Variants in HIPK2 observed in about 807,000 individuals in gnomAD.
HIPK2 encodes the protein homeodomain-interacting protein kinase 2.
HIPK2 carries 27 observed loss-of-function variants against 113.7 expected under a neutral mutation model. The observed-to-expected ratio is 0.24, with a 90% CI of 0.17 to 0.33. HIPK2 has a LOEUF of 0.33. Among genes scored for constraint, HIPK2 ranks in the 10% least tolerant of loss-of-function variants. The probability of loss-of-function intolerance (pLI) is 1.00; values close to 1 mark genes in which losing one functional copy is unlikely to be tolerated. For synonymous variants in HIPK2, 631 were observed against 642.2 expected (o/e 0.98, Z 0.26); for missense variants, 1,257 against 1,588.0 (o/e 0.79, Z 3.54).
At chr7:139,609,986 C>G (rs1324850085) in intron 9 of HIPK2, among the ~76,000 whole-genome samples, 2 of 152,206 alleles carry the variant, frequency 1.3e-5, no homozygotes, top group Admixed American at 1.3e-4. Context: ...GTTATAAACA[C>G]AGTAGCAATT....
Position 139,626,697 on chromosome 7 carries a change from A to T in HIPK2, c.1523T>A (p.Leu508Gln). 1 of 1,613,974 alleles carries T rather than the reference A, an allele frequency of 6.2e-7. No homozygotes were observed. The highest frequency in any genetic ancestry group is 8.5e-7 in the Non-Finnish European group (1 of 1,179,904). ...GATTCTCTTGTCAGCATCAATGGTC[A>T]GCATCTTCTTCAACAGGTCAATGAA... is the stretch of plus-strand genomic sequence containing the variant. ...REFIDLLKKMLTIDADKRITP... is the reference protein window; with the variant it reads ...REFIDLLKKMQTIDADKRITP... Residue 508 changes from leucine (L) to glutamine (Q), a missense_variant, in exon 6 of 15, where the codon CTG becomes CAG. Leu to Gln is a moderately radical substitution (Grantham distance 113, BLOSUM62 -2). This residue lies in a region of HIPK2 where 862 missense variants were observed against 1,004.3 expected (regional missense o/e 0.86). Transcript: ENST00000406875.
intron 1 of HIPK2, among the ~76,000 whole-genome samples, chr7:139,723,584 A>G (rs1214788062): frequency 6.6e-6 from 1 of 152,112 alleles, no homozygotes; most frequent in African/African-American, 2.4e-5. Context: ...TTTCTTCATA[A>G]CTTTATATTT....
At chr7:139,620,733 C>A in intron 6 of HIPK2, 170 bp from the exon 7 acceptor site, 3 of 371,192 alleles carry the variant, frequency 8.1e-6, no homozygotes, top group Non-Finnish European at 1.1e-5. Context: ...TGTGCAAAGC[C>A]TGTGCATTTG....
At chr7:139,776,019 G>A (rs948229003) in intron 1 of HIPK2, among the ~76,000 whole-genome samples, 1 of 152,142 alleles carries the variant, frequency 6.6e-6, no homozygotes, top group Non-Finnish European at 1.5e-5. Flanking sequence ...AGAGAAAATT[G>A]TTTCATTTTA....
At chr7:139,688,690 AT>A (rs1320330294) in intron 2 of HIPK2, among the ~76,000 whole-genome samples, 1 of 152,232 alleles carries the variant, frequency 6.6e-6, no homozygotes, top group Non-Finnish European at 1.5e-5. Flanking sequence ...TATCAATCAT[AT>A]GCCTCAATTG....
chr7:139,572,854 CG>C lies in HIPK2; in HGVS notation c.*72del. The C allele has an allele frequency of 7.6e-7, 1 of 1,319,588 alleles. No individual in the cohort carries two copies. Among genetic ancestry groups the C allele is most frequent in the Non-Finnish European group, 1.0e-6 (1 of 995,490 alleles). 81.7% of individuals were successfully genotyped at this position (1,319,588 alleles called of 1,614,324 possible). ...AGGCCAGCGCCCACGGTCCCAGGAG[CG>C]CCTCCCTCCTTCTCTCCCTCCTCCC... On this transcript the variant is annotated 3_prime_UTR_variant, in exon 15 of 15. Transcript: ENST00000406875.
chr7:139,595,394 T>C (rs1478897503), intron 12 of HIPK2, among the ~76,000 whole-genome samples: 2 of 152,136 alleles, frequency 1.3e-5, no homozygotes, highest in African/African-American at 4.8e-5. Flanking sequence ...TTCACTCAAC[T>C]TGAGGCTGTC....
chr7:139,702,962 C>T (rs1248725230), intron 2 of HIPK2, among the ~76,000 whole-genome samples: 6 of 152,256 alleles, frequency 3.9e-5, no homozygotes, highest in African/African-American at 7.2e-5. Flanking sequence ...CAGCTGTTTA[C>T]GCCCCAGAGT....
chr7:139,572,892 TCTCCCTCCCTCCCTCC>T lies in HIPK2; in HGVS notation c.*19_*34del, dbSNP rs754430570. The T allele has an allele frequency of 2.0e-5, 13 of 655,272 alleles. 1 individual carries two copies. The highest frequency in any genetic ancestry group is 3.7e-5 in the African/African-American group (2 of 53,794). 40.6% of individuals were successfully genotyped at this position (655,272 alleles called of 1,614,324 possible). Reference sequence around the variant, plus strand: ...CTCTCCCTCCTCCCTCGGGCCATTCTCTCCCTCCCTCCCTCCCTCCCTCCCCTCCAGTGTTTATATG... The same window carrying T: ...CTCTCCCTCCTCCCTCGGGCCATTCTCTCCCTCCCCTCCAGTGTTTATATG... On this transcript the variant is annotated 3_prime_UTR_variant, in exon 15 of 15. Coordinates refer to ENST00000406875, the MANE Select transcript of HIPK2 (RefSeq NM_022740.5).
At chr7:139,756,069 C>A (rs1796357332) in intron 1 of HIPK2, among the ~76,000 whole-genome samples, 1 of 152,160 alleles carries the variant, frequency 6.6e-6, no homozygotes, top group African/African-American at 2.4e-5. Context: ...ATCAGTCAAC[C>A]AATCAATCTC....
At chr7:139,663,494 CAAAA>C (rs559810857) in intron 2 of HIPK2, among the ~76,000 whole-genome samples, 1 of 151,900 alleles carries the variant, frequency 6.6e-6, no homozygotes, top group Non-Finnish European at 1.5e-5. Flanking sequence ...CCTTCAGAAA[CAAAA>C]AAGAGCACCT....
chr7:139,592,630 C>G (rs148112875), intron 12 of HIPK2, among the ~76,000 whole-genome samples: 1 of 152,112 alleles, frequency 6.6e-6, no homozygotes, highest in Non-Finnish European at 1.5e-5. Context: ...TATGCTACAG[C>G]CTTTACAAGA....
intron 1 of HIPK2, among the ~76,000 whole-genome samples, chr7:139,727,489 C>T (rs573838104): frequency 1.3e-5 from 2 of 152,344 alleles, no homozygotes; most frequent in African/African-American, 4.8e-5. Context: ...CAAATGCTAC[C>T]ATAGGCTGTG....
rs200764109 is a variant in HIPK2 at position 139,760,005 on chromosome 7, G to GT, written c.19+17599dup. On this transcript the variant is annotated intron_variant, in intron 1 of 14. Transcript: ENST00000406875. The stretch of plus-strand genomic sequence containing the variant: ...ATCTAGATTAAACATCTACCTAGTT[G>GT]TTTTTTTTTTTTTCTGAGACAGAGT... Among the ~76,000 whole-genome samples, 428 of 143,422 alleles carry GT rather than the reference G, an allele frequency of 3.0e-3. 2 individuals carry two copies. The highest frequency in any genetic ancestry group is 3.7e-3 in the Non-Finnish European group (240 of 64,930). 94.1% of individuals were successfully genotyped at this position (143,422 alleles called of 152,430 possible).
chr7:139,626,354 G>T (rs57762660), intron 6 of HIPK2, among the ~76,000 whole-genome samples: 27,984 of 151,576 alleles, frequency 0.18, 3,648 homozygotes, highest in African/African-American at 0.37. Context: ...CCACCTGCCT[G>T]GGCCTCCCAA....
chr7:139,640,421 C>T (rs112286936), intron 2 of HIPK2, among the ~76,000 whole-genome samples: 161 of 152,218 alleles, frequency 1.1e-3, no homozygotes, highest in Middle Eastern at 3.4e-3. Context: ...GGGCGTGGCC[C>T]GCACTTGGGA....
intron 2 of HIPK2, among the ~76,000 whole-genome samples, chr7:139,679,784 C>T (rs1050132834): frequency 6.6e-6 from 1 of 152,142 alleles, no homozygotes; most frequent in Non-Finnish European, 1.5e-5. Flanking sequence ...GGTTAGCTAG[C>T]TGCTGCAGAG....
intron 10 of HIPK2, among the ~76,000 whole-genome samples, chr7:139,601,662 A>G (rs1799429226): frequency 6.6e-6 from 1 of 152,212 alleles, no homozygotes; most frequent in Non-Finnish European, 1.5e-5. Context: ...GTTATGTTTC[A>G]CAATTCTTAT....
intron 2 of HIPK2, among the ~76,000 whole-genome samples, chr7:139,694,991 C>T (rs995301745): frequency 7.9e-5 from 12 of 152,164 alleles, no homozygotes; most frequent in Admixed American, 1.3e-4. Context: ...GGCTCGCCCC[C>T]TATTATATGG....
Sources: allele counts gnomAD v4.1 joint callset (sites outside exome capture counted in the v4.1 genomes callset), GRCh38; gene constraint gnomAD v4.1.1; regional missense constraint gnomAD v4.1.1; transcripts MANE v1.5; gene names NCBI Gene and HGNC (gene_info 2026-07-23, HGNC 2026-07-21).